Variants in ERGIC1 observed in about 807,000 individuals in gnomAD.
ERGIC1 encodes the protein endoplasmic reticulum-golgi intermediate compartment 1.
ERGIC1 carries 19 observed loss-of-function variants against 38.3 expected under a neutral mutation model. That is an observed-to-expected ratio of 0.50 (90% CI 0.35 to 0.73). The LOEUF (loss-of-function observed/expected upper bound fraction) is 0.73, where lower values mean the gene tolerates loss of function less well. Ranked by LOEUF, ERGIC1 falls within the 30% of genes least tolerant of loss-of-function variation. The pLI is 0.01. For synonymous variants in ERGIC1, 124 were observed against 157.6 expected (o/e 0.79, Z 1.60); for missense variants, 294 against 389.2 (o/e 0.76, Z 2.06).
At chr5:172,891,164 C>T (rs920412238) in intron 2 of ERGIC1, among the ~76,000 whole-genome samples, 2 of 152,216 alleles carry the variant, frequency 1.3e-5, no homozygotes, top group African/African-American at 2.4e-5. Context: ...ACTGTCCTCC[C>T]GGAGCCTGCA....
intron 5 of ERGIC1, among the ~76,000 whole-genome samples, chr5:172,921,037 T>C (rs1167340947): frequency 6.6e-6 from 1 of 152,226 alleles, no homozygotes; most frequent in East Asian, 1.9e-4. Flanking sequence ...GGAGGGCCCT[T>C]CTTGGTTGGC....
chr5:172,932,547 G>C lies in ERGIC1; in HGVS notation c.642+11G>C, dbSNP rs765431454. On this transcript the variant is annotated intron_variant, in intron 8 of 9. Transcript: ENST00000393784. ...ACGGTGGCCAACAAGGTGCGCGGGC[G>C]GTGGCTGGGCCGAGCTGTGTGCGGC... 1.9e-5 allele frequency: 31 copies of C among 1,613,182 alleles called. No individual in the cohort carries two copies. Among genetic ancestry groups the C allele is most frequent in the South Asian group, 4.4e-5 (4 of 90,972 alleles).
rs985406943 is a variant in ERGIC1, at chr5:172,926,380, G to T, written c.481-129G>T. 50 of 947,020 alleles carry T rather than the reference G, an allele frequency of 5.3e-5. No individual in the cohort carries two copies. The highest frequency in any genetic ancestry group is 7.4e-5 in the Non-Finnish European group (45 of 610,566). 58.7% of individuals were successfully genotyped at this position (947,020 alleles called of 1,614,324 possible). On this transcript the variant is annotated intron_variant, in intron 6 of 9. Transcript: ENST00000393784. The surrounding 1 kb of genome is among the most constrained non-coding windows in gnomAD (Gnocchi z 5.2). ...GCTGCCTCTTGCTCCCCACAAATCC[G>T]CTGGAGCCCCCTTTTACACATTGGT...
rs375589121 is a variant in ERGIC1, at chr5:172,931,857, C to CTTTTTTT, written c.542-566_542-560dup. Among the ~76,000 whole-genome samples, 10 of 123,060 alleles carry CTTTTTTT rather than the reference C, an allele frequency of 8.1e-5. 2 individuals carry two copies. The highest frequency in any genetic ancestry group is 1.2e-4 in the African/African-American group (4 of 32,316). The allele number at this position is 123,060 out of a possible 152,430, so 80.7% of individuals were successfully genotyped here. A position where few individuals can be genotyped will look rare whatever the true frequency, so the allele number is the denominator to read the frequency against. ...AGAATAGCTGCTCCTAGCACCCACA[C>CTTTTTTT]TTTTTTTTTTTTTTTTTTTGAGACA... On this transcript the variant is annotated intron_variant, in intron 7 of 9. Transcript: ENST00000393784.
intron 1 of ERGIC1, among the ~76,000 whole-genome samples, chr5:172,857,661 C>T (rs1761586234): frequency 6.8e-6 from 1 of 147,874 alleles, no homozygotes; most frequent in Admixed American, 7.0e-5. Context: ...AGGGCTCAGC[C>T]ATGGCCACGT....
chr5:172,875,133 T>C (rs952039743), intron 1 of ERGIC1, among the ~76,000 whole-genome samples: 9 of 152,174 alleles, frequency 5.9e-5, no homozygotes, highest in Non-Finnish European at 8.8e-5. Context: ...GCTTTTTCTT[T>C]TACATGCTAT....
chr5:172,896,953 G>T (rs368831062), intron 2 of ERGIC1, 49 bp from the exon 3 acceptor site: 12 of 1,578,970 alleles, frequency 7.6e-6, no homozygotes, highest in Non-Finnish European at 1.0e-5. Flanking sequence ...GTCTCCCTTC[G>T]TCAGTGCCCA....
chr5:172,893,076 C>T (rs1005279038), intron 2 of ERGIC1, among the ~76,000 whole-genome samples: 2 of 152,220 alleles, frequency 1.3e-5, no homozygotes, highest in Admixed American at 6.5e-5. Flanking sequence ...CGTCTACAAG[C>T]ATGAACACGG....
At chr5:172,861,148 G>A (rs78536536) in intron 1 of ERGIC1, among the ~76,000 whole-genome samples, 3,128 of 152,202 alleles carry the variant, frequency 0.021, 108 homozygotes, top group African/African-American at 0.072. Flanking sequence ...CGTGCCAGCC[G>A]CAGTGGCCAC....
chr5:172,835,284 C>T (rs1761006425), intron 1 of ERGIC1, among the ~76,000 whole-genome samples: 1 of 152,188 alleles, frequency 6.6e-6, no homozygotes, highest in Non-Finnish European at 1.5e-5. Flanking sequence ...GGATTAGAAT[C>T]CTGGCTCTGC....
chr5:172,865,006 G>GATCAAAT, intron 1 of ERGIC1, among the ~76,000 whole-genome samples: 2 of 149,930 alleles, frequency 1.3e-5, no homozygotes, highest in East Asian at 4.0e-4. Flanking sequence ...CAGAGGAAGT[G>GATCAAAT]ATCAAATGAA....
At chr5:172,938,234 C>T (rs1372966614) in intron 9 of ERGIC1, among the ~76,000 whole-genome samples, 3 of 152,180 alleles carry the variant, frequency 2.0e-5, no homozygotes, top group African/African-American at 7.2e-5. Context: ...TACTGCAGCT[C>T]TCCTACTCCA....
Position 172,914,894 on chromosome 5 carries a change from C to T in ERGIC1, c.375+56C>T, listed in dbSNP as rs182673294. On this transcript the variant is annotated intron_variant, in intron 5 of 9. Coordinates refer to ENST00000393784, the MANE Select transcript of ERGIC1 (RefSeq NM_001031711.3). ...CTGCTCCCCTTTCCTGCTGTCTCCC[C>T]GCTCCCTGGAAACTGGTTGTGGAGG... is the stretch of plus-strand genomic sequence containing the variant. 6.5e-4 allele frequency: 1,051 copies of T among 1,607,604 alleles called. 2 individuals are homozygous for T. The African/African-American group carries it at 0.01, about 16-fold the overall frequency.
chr5:172,846,453 G>A lies in ERGIC1; in HGVS notation c.20+12020G>A, dbSNP rs1366369835. On this transcript the variant is annotated intron_variant, in intron 1 of 9. Coordinates refer to ENST00000393784, the MANE Select transcript of ERGIC1 (RefSeq NM_001031711.3). This position sits in a 1 kb window ranked among gnomAD's most constrained non-coding sequence, Gnocchi z 4.0. The stretch of plus-strand genomic sequence containing the variant: ...GCCCCTTGTGCCAGGCTGATGTCAG[G>A]TGGTTTATAGTCATGATCTCATTTC... Among the ~76,000 whole-genome samples the A allele has an allele frequency of 1.3e-5, 2 of 152,182 alleles. No individual in the cohort carries two copies. Among genetic ancestry groups the A allele is most frequent in the East Asian group, 3.8e-4 (2 of 5,196 alleles).
intron 2 of ERGIC1, among the ~76,000 whole-genome samples, chr5:172,892,395 TAACTG>T (rs1316920646): frequency 6.6e-6 from 1 of 152,182 alleles, no homozygotes; most frequent in Non-Finnish European, 1.5e-5. Context: ...GTGCTATTAA[TAACTG>T]AAGGAAAGAT....
chr5:172,938,456 C>T (rs1168737689), intron 9 of ERGIC1, among the ~76,000 whole-genome samples: 1 of 152,174 alleles, frequency 6.6e-6, no homozygotes, highest in Non-Finnish European at 1.5e-5. Flanking sequence ...CTGGGCATTA[C>T]AATCATTTGG....
Position 172,834,587 on chromosome 5 carries a change from C to CT in ERGIC1, c.20+154_20+155insT, listed in dbSNP as rs1221598911. On this transcript the variant is annotated intron_variant, in intron 1 of 9. Coordinates refer to ENST00000393784, the MANE Select transcript of ERGIC1 (RefSeq NM_001031711.3). The surrounding 1 kb of genome is among the most constrained non-coding windows in gnomAD (Gnocchi z 4.1). Reference sequence around the variant, plus strand: ...CCTAGGGACCCCAGGCGAGCCCCCCCCCTGCCGCACACGAAGCCAGCCAGA... The same window carrying CT: ...CCTAGGGACCCCAGGCGAGCCCCCCCTCCTGCCGCACACGAAGCCAGCCAGA... Among the ~76,000 whole-genome samples, 157 of 133,050 alleles carry CT rather than the reference C, an allele frequency of 1.2e-3. 4 individuals carry two copies. The highest frequency in any genetic ancestry group is 2.9e-3 in the Admixed American group (38 of 13,206). 87.3% of individuals were successfully genotyped at this position (133,050 alleles called of 152,430 possible).
chr5:172,950,873 G>T lies in ERGIC1; in HGVS notation c.*57G>T, dbSNP rs576947119. 429 of 1,488,822 alleles carry T rather than the reference G, an allele frequency of 2.9e-4. 1 individual carries two copies. In the African/African-American group the frequency reaches 5.4e-3, roughly 19 times the overall value. 92.2% of individuals were successfully genotyped at this position (1,488,822 alleles called of 1,614,324 possible). On this transcript the variant is annotated 3_prime_UTR_variant, in exon 10 of 10. Transcript: ENST00000393784. ...GGGCATCGCCAGCCTTGCCTCCAGT[G>T]CCCTGTCTCCTTTGGCCCTCAATCT...
chr5:172,860,873 C>T (rs975070989), intron 1 of ERGIC1, among the ~76,000 whole-genome samples: 1 of 152,190 alleles, frequency 6.6e-6, no homozygotes, highest in Non-Finnish European at 1.5e-5. Context: ...TGGAGCTCTG[C>T]CTGAGAACCT....
Sources: gnomAD v4.1 joint callset for allele counts (sites outside exome capture counted in the v4.1 genomes callset) on GRCh38, gnomAD v4.1.1 for gene constraint, Gnocchi (gnomAD v3.1) non-coding constraint, MANE v1.5 for transcripts, NCBI Gene and HGNC (gene_info 2026-07-23, HGNC 2026-07-21) for gene names.